COP1: variants seen among roughly 807,000 people sequenced by gnomAD.
COP1 encodes the protein COP1 E3 ubiquitin ligase.
In COP1, 24 loss-of-function variants were observed where a neutral mutation model predicts 101.3. The observed-to-expected ratio is 0.24, with a 90% confidence interval of 0.17 to 0.33. The LOEUF is 0.33. COP1 is among the 10% of genes least tolerant of loss of function. The pLI is 1.00. For missense variants in COP1, 663 were observed against 906.2 expected (o/e 0.73, Z 3.45); for synonymous variants, 347 against 341.9 (o/e 1.01, Z -0.17).
intron 8 of COP1, among the ~76,000 whole-genome samples, chr1:176,122,107 T>A (rs1261528942): frequency 7.3e-6 from 1 of 136,524 alleles, no homozygotes; most frequent in Admixed American, 8.1e-5. Flanking sequence ...GCCACTGCAC[T>A]CCAGCTTGGG....
chr1:176,078,707 C>T (rs1371877954), intron 11 of COP1, among the ~76,000 whole-genome samples: 1 of 150,512 alleles, frequency 6.6e-6, no homozygotes, highest in African/African-American at 2.4e-5. Flanking sequence ...AGTAAACAGA[C>T]AGCCTAGGGA....
At chr1:176,122,839 A>C (rs1443193168) in intron 8 of COP1, among the ~76,000 whole-genome samples, 1 of 152,238 alleles carries the variant, frequency 6.6e-6, no homozygotes, top group African/African-American at 2.4e-5. Context: ...AGATATAAAA[A>C]GCAAGCATGA....
intron 15 of COP1, among the ~76,000 whole-genome samples, chr1:176,007,571 C>T (rs1313009593): frequency 6.6e-6 from 1 of 151,268 alleles, no homozygotes; most frequent in Non-Finnish European, 1.5e-5. Context: ...CAGACAGGAC[C>T]CTCAGCTGCA....
At chr1:176,143,049 G>A (rs1690951395) in intron 6 of COP1, among the ~76,000 whole-genome samples, 1 of 150,874 alleles carries the variant, frequency 6.6e-6, no homozygotes, top group Non-Finnish European at 1.5e-5. Flanking sequence ...GAAAAACAAA[G>A]TCAAAAGTTA....
chr1:175,987,171 T>C (rs923496938), intron 17 of COP1, 68 bp from the exon 18 acceptor site: 15 of 823,664 alleles, frequency 1.8e-5, no homozygotes, highest in African/African-American at 1.6e-4. Context: ...CACAGTCTAA[T>C]AGTAATTATC....
chr1:176,122,794 T>G (rs1214947568), intron 8 of COP1, among the ~76,000 whole-genome samples: 1 of 152,196 alleles, frequency 6.6e-6, no homozygotes, highest in Admixed American at 6.5e-5. Context: ...AAGTTTTTTT[T>G]GTAAGAGGAG....
At chr1:176,065,615 C>T (rs891844744) in intron 11 of COP1, among the ~76,000 whole-genome samples, 15 of 152,046 alleles carry the variant, frequency 9.9e-5, no homozygotes, top group African/African-American at 3.4e-4. Flanking sequence ...AGCTTTCTGT[C>T]CTCCCCTATT....
chr1:176,072,430 T>C, intron 11 of COP1, among the ~76,000 whole-genome samples: 1 of 152,166 alleles, frequency 6.6e-6, no homozygotes, highest in East Asian at 1.9e-4. Context: ...GCTTTAAAAA[T>C]AACTGCTTTA....
At chr1:176,127,464 C>T (rs1688185356) in intron 8 of COP1, among the ~76,000 whole-genome samples, 1 of 151,960 alleles carries the variant, frequency 6.6e-6, no homozygotes, top group Non-Finnish European at 1.5e-5. Context: ...CTTTCTGTGC[C>T]TGTCTTATTT....
At chr1:176,028,559 A>G (rs2149077233) in intron 14 of COP1, among the ~76,000 whole-genome samples, 1 of 150,988 alleles carries the variant, frequency 6.6e-6, no homozygotes, top group East Asian at 2.0e-4. Flanking sequence ...ATGAAATAAA[A>G]AAAGAAAAAT....
rs960336391 is a variant in COP1 at position 176,128,692 on chromosome 1, T to C, written c.968+6318A>G. Among the ~76,000 whole-genome samples, 8 of 152,108 alleles carry C rather than the reference T, an allele frequency of 5.3e-5. No individual in the cohort carries two copies. The Middle Eastern group carries it at 0.01, about 194-fold the overall frequency. Reference sequence around the variant, plus strand: ...GTTTGAGAAAAAGTATTAAATTGTATACAGATAATTTCCTGTATTGTCATA... The same window carrying C: ...GTTTGAGAAAAAGTATTAAATTGTACACAGATAATTTCCTGTATTGTCATA... On this transcript the variant is annotated intron_variant, in intron 8 of 19. Coordinates refer to ENST00000367669, the MANE Select transcript of COP1 (RefSeq NM_022457.7).
intron 3 of COP1, among the ~76,000 whole-genome samples, chr1:176,168,493 G>A (rs1318002261): frequency 5.2e-5 from 4 of 76,572 alleles, no homozygotes; most frequent in Non-Finnish European, 1.0e-4. Flanking sequence ...AGGAAGGGAG[G>A]GAAGAAGGAA....
chr1:175,971,252 T>C (rs1282459732), intron 18 of COP1, among the ~76,000 whole-genome samples: 33 of 152,180 alleles, frequency 2.2e-4, no homozygotes, highest in Non-Finnish European at 1.3e-4. Flanking sequence ...ACAGAACATA[T>C]TCTCCAAAAA....
intron 6 of COP1, among the ~76,000 whole-genome samples, chr1:176,144,209 C>T (rs554486269): frequency 2.0e-5 from 3 of 152,202 alleles, no homozygotes; most frequent in Admixed American, 6.5e-5. Flanking sequence ...AGAAAACATA[C>T]AAGAATCTAC....
intron 3 of COP1, among the ~76,000 whole-genome samples, chr1:176,164,291 A>C (rs1694767158): frequency 6.6e-6 from 1 of 152,162 alleles, no homozygotes; most frequent in African/African-American, 2.4e-5. Context: ...TTTTCTTTGT[A>C]ATTCTTCTAA....
At chr1:176,048,195 C>CTT (rs10680105) in intron 11 of COP1, among the ~76,000 whole-genome samples, 83,400 of 126,486 alleles carry the variant, frequency 0.66, 29,066 homozygotes, top group East Asian at 0.88. Flanking sequence ...AATTAAAATT[C>CTT]TTTTTTTTTT....
chr1:176,033,765 A>G (rs1669027616), intron 14 of COP1, among the ~76,000 whole-genome samples: 1 of 152,200 alleles, frequency 6.6e-6, no homozygotes, highest in Admixed American at 6.5e-5. Context: ...AAAAATATTC[A>G]TATGAACTCA....
intron 15 of COP1, among the ~76,000 whole-genome samples, chr1:176,007,815 C>A (rs999257523): frequency 6.6e-6 from 1 of 152,184 alleles, no homozygotes; most frequent in Non-Finnish European, 1.5e-5. Context: ...GTGCCCTGTC[C>A]CCAGAGGTGG....
chr1:175,975,545 G>A (rs1359199925), intron 18 of COP1, among the ~76,000 whole-genome samples: 1 of 152,068 alleles, frequency 6.6e-6, no homozygotes, highest in Non-Finnish European at 1.5e-5. Context: ...CAGTAGCTGG[G>A]ATTATAAGCA....
Sources: allele counts gnomAD v4.1 joint callset (sites outside exome capture counted in the v4.1 genomes callset), GRCh38; gene constraint gnomAD v4.1.1; transcripts MANE v1.5; gene names NCBI Gene and HGNC (gene_info 2026-07-23, HGNC 2026-07-21).